IARS1: variants seen among roughly 807,000 people sequenced by gnomAD.
The protein encoded by IARS1 is isoleucyl-tRNA synthetase 1.
Under a neutral mutation model 168.2 loss-of-function variants are expected in IARS1, and 124 were observed. The observed-to-expected ratio is 0.74, with a 90% confidence interval of 0.64 to 0.86. The LOEUF (loss-of-function observed/expected upper bound fraction) is 0.86, where lower values mean the gene tolerates loss of function less well. Ranked by LOEUF, IARS1 falls within the 40% of genes least tolerant of loss-of-function variation. The pLI is 0.00. For synonymous variants in IARS1, 532 were observed against 529.4 expected, an observed-to-expected ratio of 1.00 and a Z score of -0.07; for missense variants, 1,452 against 1,515.8, an observed-to-expected ratio of 0.96 and a Z score of 0.70.
Position 92,268,350 on chromosome 9 carries a change from C to T in IARS1, c.1305-50G>A, listed in dbSNP as rs778343179. ...AATCACATAAAAATATGGAAAAATT[C>T]AACATGTAAATAATACCCACAGGAG... On this transcript the variant is annotated intron_variant, in intron 13 of 33. Transcript: ENST00000443024. The T allele has an allele frequency of 8.8e-6, 14 of 1,585,438 alleles. 1 individual carries two copies. In the Admixed American group the frequency reaches 2.6e-4, roughly 29 times the overall value.
chr9:92,275,482 A>C (rs184963900), intron 9 of IARS1, among the ~76,000 whole-genome samples: 144 of 152,330 alleles, frequency 9.5e-4, no homozygotes, highest in Admixed American at 4.6e-3. Context: ...ATAAAATTTT[A>C]ATTGTTGTAA....
chr9:92,265,875 T>C (rs1261797760), intron 14 of IARS1, among the ~76,000 whole-genome samples: 1 of 152,160 alleles, frequency 6.6e-6, no homozygotes, highest in East Asian at 1.9e-4. Context: ...CCCAGGCTGG[T>C]CTCAAACTCT....
intron 1 of IARS1, 180 bp downstream of exon 1, chr9:92,293,431 C>G (rs770106903): frequency 9.4e-6 from 5 of 532,066 alleles, no homozygotes; most frequent in African/African-American, 1.9e-5. Flanking sequence ...TTACTCATTT[C>G]AAACACTACC....
At chr9:92,289,153 G>A (rs1835916222) in intron 2 of IARS1, 148 bp downstream of exon 2, 3 of 488,106 alleles carry the variant, frequency 6.1e-6, no homozygotes, top group East Asian at 7.3e-5. Context: ...GTAGCAGTGA[G>A]CAGAGATTGC....
rs1828721836 is a variant in IARS1 at position 92,243,323 on chromosome 9, AACAGTGC to A, written c.2905-19_2905-13del. The A allele has an allele frequency of 6.5e-7, 1 of 1,548,880 alleles. No individual in the cohort carries two copies. The highest frequency in any genetic ancestry group is 1.4e-5 in the African/African-American group (1 of 73,692). On this transcript the variant is annotated splice_polypyrimidine_tract_variant and intron_variant, in intron 27 of 33. Transcript: ENST00000443024. ...AAGAGGACCAAAGCCTGTGGGAATGAACAGTGCACACCATGACAATCAAATAAGGAGA... is the reference window on the plus strand; with the variant it reads ...AAGAGGACCAAAGCCTGTGGGAATGAACACCATGACAATCAAATAAGGAGA...
chr9:92,285,791 C>A lies in IARS1; in HGVS notation c.528G>T (p.Val176=). The A allele has an allele frequency of 6.2e-7, 1 of 1,613,578 alleles. No individual in the cohort carries two copies. Among genetic ancestry groups the A allele is most frequent in the South Asian group, 1.1e-5 (1 of 91,044 alleles). ...LYDKGLVYRG[V]KVMPFSTACN... ...ATGCCGTAGAGAAGGGCATGACTTTCACACCTCTATAAACAAGGCCTTTAT... is the reference window on the plus strand; with the variant it reads ...ATGCCGTAGAGAAGGGCATGACTTTAACACCTCTATAAACAAGGCCTTTAT... The change falls in exon 6 of 34, where the codon GTG becomes GTT. Residue 176 remains valine, a synonymous_variant. Coordinates refer to ENST00000443024, the MANE Select transcript of IARS1 (RefSeq NM_002161.6).
At position 92,246,263 on chromosome 9, in the gene IARS1, C is replaced by G. The variant is rs548669084; in HGVS notation, c.2791+1114G>C. On this transcript the variant is annotated intron_variant, in intron 26 of 33. Coordinates refer to ENST00000443024, the MANE Select transcript of IARS1 (RefSeq NM_002161.6). The stretch of plus-strand genomic sequence containing the variant: ...TATTTGGAGAATCTTAGGGACAGTT[C>G]CCCCATCTGATTTATGAATCCTCAA... 2.0e-5 allele frequency among the ~76,000 whole-genome samples: 3 copies of G among 152,212 alleles called. No homozygotes were observed. The East Asian group carries it at 5.8e-4, about 29-fold the overall frequency.
chr9:92,223,616 C>T, intron 31 of IARS1, 127 bp from the exon 32 acceptor site: 1 of 746,846 alleles, frequency 1.3e-6, no homozygotes, highest in South Asian at 2.1e-5. Flanking sequence ...TTCTGTTTAT[C>T]AAGAGACATT....
At chr9:92,244,036 A>T (rs1050300597) in intron 27 of IARS1, among the ~76,000 whole-genome samples, 2 of 152,212 alleles carry the variant, frequency 1.3e-5, no homozygotes, top group Non-Finnish European at 2.9e-5. Flanking sequence ...CACTTCATAA[A>T]GGCATCAGAG....
chr9:92,268,122 G>T, intron 14 of IARS1, 52 bp downstream of exon 14: 3 of 1,513,346 alleles, frequency 2.0e-6, no homozygotes, highest in Non-Finnish European at 1.8e-6. Flanking sequence ...CAGATTTCAT[G>T]AACAAAATGC....
chr9:92,252,764 C>CA (rs34983021), intron 21 of IARS1, among the ~76,000 whole-genome samples: 2,824 of 27,204 alleles, frequency 0.1, 920 homozygotes, highest in Middle Eastern at 0.21. Context: ...AACTCCTTCT[C>CA]AAAAAAAAAA....
intron 30 of IARS1, among the ~76,000 whole-genome samples, chr9:92,238,722 T>C (rs539263173): frequency 2.0e-5 from 3 of 152,236 alleles, no homozygotes; most frequent in South Asian, 4.1e-4. Context: ...TCCTGTGGTA[T>C]AGTCTTTTCT....
chr9:92,274,383 T>C, intron 10 of IARS1, 43 bp downstream of exon 10: 3 of 1,458,476 alleles, frequency 2.1e-6, no homozygotes, highest in Non-Finnish European at 2.9e-6. Context: ...GAAAAGTGGC[T>C]ACCGACATAC....
chr9:92,245,133 C>T (rs940977721), intron 26 of IARS1, 62 bp from the exon 27 acceptor site: 33 of 1,259,902 alleles, frequency 2.6e-5, no homozygotes, highest in Admixed American at 8.4e-5. Flanking sequence ...CCCCACTACC[C>T]GTGTATTATG....
At chr9:92,253,500 T>C in intron 20 of IARS1, 47 bp from the exon 21 acceptor site, 1 of 1,253,012 alleles carries the variant, frequency 8.0e-7, no homozygotes, top group Non-Finnish European at 1.2e-6. Flanking sequence ...TTACCAGGCA[T>C]CTGGGGTGGG....
chr9:92,276,424 T>A (rs17518754), intron 9 of IARS1, among the ~76,000 whole-genome samples: 4,660 of 152,258 alleles, frequency 0.031, 112 homozygotes, highest in South Asian at 0.079. Flanking sequence ...CACGTCCTAA[T>A]TGCTGGTAAA....
chr9:92,229,583 C>A (rs1287309618), intron 30 of IARS1, among the ~76,000 whole-genome samples: 1 of 152,086 alleles, frequency 6.6e-6, no homozygotes, highest in East Asian at 1.9e-4. Context: ...TACTATCTGA[C>A]CCCTGATGTT....
intron 31 of IARS1, among the ~76,000 whole-genome samples, chr9:92,224,441 C>G (rs1243927355): frequency 6.6e-6 from 1 of 152,110 alleles, no homozygotes; most frequent in Non-Finnish European, 1.5e-5. Flanking sequence ...ACGAGAACAG[C>G]CAGGGACTCA....
At chr9:92,265,174 T>C (rs761011597) in intron 15 of IARS1, 51 bp from the exon 16 acceptor site, 2 of 1,496,398 alleles carry the variant, frequency 1.3e-6, no homozygotes, top group Admixed American at 2.1e-5. Flanking sequence ...ATAACAGAAC[T>C]TGCAGTTTAA....
Sources: gnomAD v4.1 joint callset for allele counts (sites outside exome capture counted in the v4.1 genomes callset) on GRCh38, gnomAD v4.1.1 for gene constraint, MANE v1.5 for transcripts, NCBI Gene and HGNC (gene_info 2026-07-23, HGNC 2026-07-21) for gene names.